Variants in NDUFA6 observed in about 807,000 individuals in gnomAD.
NDUFA6 encodes NADH:ubiquinone oxidoreductase subunit A6, also known as NADH dehydrogenase [ubiquinone] 1 alpha subcomplex subunit 6.
A neutral mutation model predicts 12.5 loss-of-function variants in NDUFA6; 10 were observed. The observed-to-expected ratio is 0.80, with a 90% CI of 0.49 to 1.35. The LOEUF (loss-of-function observed/expected upper bound fraction) is 1.35. Ranked by LOEUF, NDUFA6 falls within the 40% of genes most tolerant of loss-of-function variation. NDUFA6 has a pLI of 0.00. For synonymous variants in NDUFA6, 66 were observed against 63.0 expected (o/e 1.05, Z -0.23); for missense variants, 177 against 173.5 (o/e 1.02, Z -0.11).
intron 1 of NDUFA6, 101 bp downstream of exon 1, chr22:42,090,505 C>G: frequency 7.1e-7 from 1 of 1,417,312 alleles, no homozygotes; most frequent in Non-Finnish European, 9.9e-7. Context: ...CGCCTCTGCC[C>G]AAGTTGGTGA....
rs1183124075 is a variant in NDUFA6 at position 42,086,263 on chromosome 22, CAT to C, written c.305_306del (p.His102ArgfsTer7). The C allele has an allele frequency of 5.6e-6, 9 of 1,614,140 alleles. No homozygotes were observed. The Admixed American group carries it at 6.7e-5, about 12-fold the overall frequency. On this transcript the variant is annotated frameshift_variant, in exon 3 of 3. Coordinates refer to ENST00000498737, the MANE Select transcript of NDUFA6 (RefSeq NM_002490.6). LOFTEE classifies it high-confidence loss of function. Reference protein sequence around the residue: ...ETIKVWKQRTHVMRFFHETEA... With the variant: ...ETIKVWKQRTXVMRFFHETEA... The stretch of plus-strand genomic sequence containing the variant: ...TCTGTTTCATGGAAGAACCGCATAA[CAT>C]GTGTCCGCTGCTTCCATACTTTAAT...
chr22:42,087,026 T>C, intron 2 of NDUFA6, 34 bp downstream of exon 2: 1 of 1,440,646 alleles, frequency 6.9e-7, no homozygotes, highest in Non-Finnish European at 9.8e-7. Flanking sequence ...ACAAGTTGGC[T>C]GATCTTTTAA....
At chr22:42,090,534 G>C in intron 1 of NDUFA6, 72 bp downstream of exon 1, 1 of 1,583,156 alleles carries the variant, frequency 6.3e-7, no homozygotes, top group Non-Finnish European at 8.6e-7. Flanking sequence ...GGGCCCATGA[G>C]AAACCCCGGC....
At position 42,085,611 on chromosome 22, in the gene NDUFA6, C is replaced by G; in HGVS notation, c.*572G>C. 5.8e-6 allele frequency: 1 copy of G among 171,816 alleles called. No homozygotes were observed. Among genetic ancestry groups the G allele is most frequent in the Non-Finnish European group, 1.3e-5 (1 of 79,750 alleles). The allele number at this position is 171,816 out of a possible 1,614,324, so 10.6% of individuals were successfully genotyped here. A position where few individuals can be genotyped will look rare whatever the true frequency, so the allele number is the denominator to read the frequency against. On this transcript the variant is annotated 3_prime_UTR_variant, in exon 3 of 3. Transcript: ENST00000498737. Reference sequence around the variant, plus strand: ...AAGACAGTAGGAATATTTCTGTTCTCTGTGTATATTGAACAGCTGTGCACC... The same window carrying G: ...AAGACAGTAGGAATATTTCTGTTCTGTGTGTATATTGAACAGCTGTGCACC...
chr22:42,089,027 C>T (rs552043174), intron 1 of NDUFA6, among the ~76,000 whole-genome samples: 1 of 152,128 alleles, frequency 6.6e-6, no homozygotes, highest in African/African-American at 2.4e-5. Context: ...AGCCCTCTGC[C>T]TTCTTTTCCT....
At chr22:42,087,357 T>G (rs933119972) in intron 1 of NDUFA6, 182 bp from the exon 2 acceptor site, 10 of 613,384 alleles carry the variant, frequency 1.6e-5, no homozygotes, top group Non-Finnish European at 2.6e-5. Flanking sequence ...TCAAGGAACT[T>G]ATTATTTGTT....
At chr22:42,087,205 A>G (rs776991110) in intron 1 of NDUFA6, 30 bp from the exon 2 acceptor site, 8 of 1,477,034 alleles carry the variant, frequency 5.4e-6, no homozygotes, top group Non-Finnish European at 6.6e-6. Context: ...TCAGGGTAGA[A>G]ATTGTATGGT....
intron 1 of NDUFA6, 160 bp from the exon 2 acceptor site, chr22:42,087,335 T>C (rs1928319225): frequency 1.5e-6 from 1 of 660,334 alleles, no homozygotes; most frequent in Non-Finnish European, 2.7e-6. Context: ...ATGTGATTCA[T>C]GGTATTTGCT....
chr22:42,088,145 C>T (rs1227658242), intron 1 of NDUFA6, among the ~76,000 whole-genome samples: 2 of 147,988 alleles, frequency 1.4e-5, no homozygotes, highest in East Asian at 4.0e-4. Context: ...CGGTGGCTCA[C>T]GCCTGTAATC....
rs1191044263 is a variant in NDUFA6 at position 42,086,161 on chromosome 22, T to A, written c.*22A>T. ...TTTGTGCTCTAAAATAGTATCAACG[T>A]GCATCTTTCCACTGAATGACTTCAT... is the stretch of plus-strand genomic sequence containing the variant. On this transcript the variant is annotated 3_prime_UTR_variant, in exon 3 of 3. Coordinates refer to ENST00000498737, the MANE Select transcript of NDUFA6 (RefSeq NM_002490.6). 6.2e-7 allele frequency: 1 copy of A among 1,614,236 alleles called. No homozygotes were observed. The highest frequency in any genetic ancestry group is 8.5e-7 in the Non-Finnish European group (1 of 1,180,032).
Position 42,090,590 on chromosome 22 carries a change from A to AGC in NDUFA6, c.139+14_139+15dup. On this transcript the variant is annotated intron_variant, in intron 1 of 2. Transcript: ENST00000498737. The stretch of plus-strand genomic sequence containing the variant: ...GCGGCGGCCTCCGGGTCCCCACGTA[A>AGC]GCCGCTACCTCTCACCAGTGTTCGG... 1 of 1,613,046 alleles carries AGC rather than the reference A, an allele frequency of 6.2e-7. No individual in the cohort carries two copies. The highest frequency in any genetic ancestry group is 8.5e-7 in the Non-Finnish European group (1 of 1,179,822).
rs1177029796 is a variant in NDUFA6, at chr22:42,085,940, C to T, written c.*243G>A. The T allele has an allele frequency of 1.2e-5, 7 of 596,172 alleles. No homozygotes were observed. The highest frequency in any genetic ancestry group is 5.8e-5 in the Admixed American group (2 of 34,552). 36.9% of individuals were successfully genotyped at this position (596,172 alleles called of 1,614,324 possible). A position where few individuals can be genotyped will look rare whatever the true frequency, so the allele number is the denominator to read the frequency against. On this transcript the variant is annotated 3_prime_UTR_variant, in exon 3 of 3. Transcript: ENST00000498737. Reference sequence around the variant, plus strand: ...CAATTTTTGAACAGATGGCCTCCTTCCTTCCTGTTTACTGACATGCAAGGC... The same window carrying T: ...CAATTTTTGAACAGATGGCCTCCTTTCTTCCTGTTTACTGACATGCAAGGC...
intron 2 of NDUFA6, 135 bp from the exon 3 acceptor site, chr22:42,086,449 A>G (rs1928257083): frequency 8.8e-7 from 1 of 1,136,558 alleles, no homozygotes; most frequent in Admixed American, 1.8e-5. Flanking sequence ...CTGTCTGGGC[A>G]AAGTTTCTAT....
chr22:42,088,240 T>A (rs1928393263), intron 1 of NDUFA6, among the ~76,000 whole-genome samples: 1 of 140,578 alleles, frequency 7.1e-6, no homozygotes, highest in South Asian at 2.3e-4. Context: ...ACCCCGTCTC[T>A]ACTAAAAATA....
At chr22:42,088,122 A>AG (rs1354670679) in intron 1 of NDUFA6, among the ~76,000 whole-genome samples, 13 of 134,316 alleles carry the variant, frequency 9.7e-5, no homozygotes, top group African/African-American at 3.6e-4. Flanking sequence ...AAAAAAAAAA[A>AG]AAAGGCTGGG....
chr22:42,090,372 A>T (rs1374873095), intron 1 of NDUFA6, among the ~76,000 whole-genome samples: 3 of 152,076 alleles, frequency 2.0e-5, no homozygotes, highest in Non-Finnish European at 2.9e-5. Context: ...GCGAAGGACA[A>T]AAGAGACCAA....
At chr22:42,090,367 G>A (rs1928560180) in intron 1 of NDUFA6, among the ~76,000 whole-genome samples, 1 of 152,254 alleles carries the variant, frequency 6.6e-6, no homozygotes, top group South Asian at 2.1e-4. Context: ...CAATTGCGAA[G>A]GACAAAAGAG....
chr22:42,090,423 GACC>G (rs1158782224), intron 1 of NDUFA6, among the ~76,000 whole-genome samples, 180 bp downstream of exon 1: 1 of 152,236 alleles, frequency 6.6e-6, no homozygotes, highest in African/African-American at 2.4e-5. Flanking sequence ...CGGCCGGTCT[GACC>G]ACCGCGCCGC....
In NDUFA6 at chr22:42,086,196, C is replaced by T; in HGVS notation, c.374G>A (p.Gly125Asp). The change falls in exon 3 of 3, where the codon GGC becomes GAC. Residue 125 changes from glycine (G) to aspartate (D), a missense_variant. Gly to Asp is a moderately conservative substitution (Grantham distance 94). Around this residue, in one of 3 missense-constraint regions of NDUFA6, gnomAD observed 62 missense variants for 69.4 expected, o/e 0.89. Transcript: ENST00000498737. The part of the protein sequence containing the change: ...PKDFLSKFYV[G>D]HDP Reference sequence around the variant, plus strand: ...CACTGAATGACTTCATGGATCGTGGCCAACATAGAACTTGGATAGGAAATC... The same window carrying T: ...CACTGAATGACTTCATGGATCGTGGTCAACATAGAACTTGGATAGGAAATC... 1 of 1,614,210 alleles carries T rather than the reference C, an allele frequency of 6.2e-7. No homozygotes were observed. Among genetic ancestry groups the T allele is most frequent in the African/African-American group, 1.3e-5 (1 of 75,040 alleles).
Sources: gnomAD v4.1 joint callset for allele counts (sites outside exome capture counted in the v4.1 genomes callset) on GRCh38, gnomAD v4.1.1 for gene constraint, gnomAD v4.1.1 regional missense constraint, MANE v1.5 for transcripts, NCBI Gene and HGNC (gene_info 2026-07-23, HGNC 2026-07-21) for gene names.